RBFOX1: variants seen among roughly 807,000 people sequenced by gnomAD.
The protein encoded by RBFOX1 is RNA binding fox-1 homolog 1.
In RBFOX1, 8 loss-of-function variants were observed where a neutral mutation model predicts 57.7. The observed-to-expected ratio is 0.14, with a 90% CI of 0.08 to 0.25. The LOEUF (loss-of-function observed/expected upper bound fraction) is 0.25, where lower values mean the gene tolerates loss of function less well. RBFOX1 is among the 10% of genes least tolerant of loss of function. The pLI is 1.00. For missense variants in RBFOX1, 611 were observed against 548.5 expected (o/e 1.11, Z -1.14); for synonymous variants, 326 against 222.4 (o/e 1.47, Z -4.15).
Position 7,065,147 on chromosome 16 carries a change from C to T in RBFOX1, c.27+13049C>T, listed in dbSNP as rs148451897. Among the ~76,000 whole-genome samples the T allele has an allele frequency of 1.9e-3, 296 of 152,314 alleles. 5 individuals carry two copies. The highest frequency in any genetic ancestry group is 0.017 in the Middle Eastern group (5 of 294). ...TTCTGTATGGAGACGCATTTGTAAC[C>T]TTACCTAAATGAGCAAGCAACTGGT... On this transcript the variant is annotated intron_variant, in intron 4 of 15. Coordinates refer to ENST00000550418, the MANE Select transcript of RBFOX1 (RefSeq NM_018723.4).
chr16:5,881,182 C>T (rs576311448), intron 4 of RBFOX1, among the ~76,000 whole-genome samples: 54 of 152,170 alleles, frequency 3.5e-4, no homozygotes, highest in Non-Finnish European at 6.0e-4. Context: ...AGTGAAGAAT[C>T]CTCTCCATCT....
In RBFOX1 at chr16:6,019,112, C is replaced by T; in HGVS notation, c.-1007C>T. 1.0e-6 allele frequency: 1 copy of T among 985,034 alleles called. No individual in the cohort carries two copies. The highest frequency in any genetic ancestry group is 1.2e-6 in the Non-Finnish European group (1 of 829,914). The allele number at this position is 985,034 out of a possible 1,614,324, so 61.0% of individuals were successfully genotyped here. The stretch of plus-strand genomic sequence containing the variant: ...ACACACACGCACACACACACATGCA[C>T]ACATTTTCTCGCGCTCTCTCCGGCT... On this transcript the variant is annotated 5_prime_UTR_variant, in exon 1 of 16. Transcript: ENST00000550418. The surrounding 1 kb of genome is among the most constrained non-coding windows in gnomAD (Gnocchi z 4.2).
At chr16:5,937,542 T>C (rs2059192154) in intron 4 of RBFOX1, among the ~76,000 whole-genome samples, 1 of 151,666 alleles carries the variant, frequency 6.6e-6, no homozygotes, top group African/African-American at 2.4e-5. Flanking sequence ...AGTTACATAT[T>C]TATATATAAC....
intron 4 of RBFOX1, among the ~76,000 whole-genome samples, chr16:7,139,601 C>A (rs1347729154): frequency 6.6e-6 from 1 of 152,024 alleles, no homozygotes; most frequent in Non-Finnish European, 1.5e-5. Context: ...CTTTTATCAG[C>A]AATGGTGAGG....
Position 5,306,845 on chromosome 16 carries a change from C to T in RBFOX1, c.219+66740C>T, listed in dbSNP as rs559881466. Reference sequence around the variant, plus strand: ...ATCACAGCTGGATCAGAACAAGTTTCAGCCTCCTCCATGTTCTCTGCTATC... The same window carrying T: ...ATCACAGCTGGATCAGAACAAGTTTTAGCCTCCTCCATGTTCTCTGCTATC... On this transcript the variant is annotated intron_variant, in intron 1 of 2. Coordinates refer to the RBFOX1 transcript ENST00000585867. Among the ~76,000 whole-genome samples, 3 of 152,304 alleles carry T rather than the reference C, an allele frequency of 2.0e-5. No homozygotes were observed. In the South Asian group the frequency reaches 6.2e-4, roughly 32 times the overall value.
At chr16:6,590,089 GAGA>G (rs1415653632) in intron 2 of RBFOX1, among the ~76,000 whole-genome samples, 4 of 152,236 alleles carry the variant, frequency 2.6e-5, no homozygotes, top group Non-Finnish European at 4.4e-5. Flanking sequence ...TGACAACTGA[GAGA>G]AGAATGATAG....
intron 4 of RBFOX1, among the ~76,000 whole-genome samples, chr16:7,286,621 T>A (rs2095656764): frequency 7.3e-6 from 1 of 137,756 alleles, no homozygotes; most frequent in Non-Finnish European, 1.6e-5. Context: ...GGCTAATTTT[T>A]TTTTTTTTTT....
intron 1 of RBFOX1, among the ~76,000 whole-genome samples, chr16:5,366,866 A>G (rs1015643544): frequency 4.6e-5 from 7 of 152,206 alleles, no homozygotes; most frequent in African/African-American, 1.7e-4. Context: ...TTTAGTTTTT[A>G]AAGATGGAGC....
intron 2 of RBFOX1, among the ~76,000 whole-genome samples, chr16:6,504,989 C>G (rs113028088): frequency 6.6e-6 from 1 of 152,162 alleles, no homozygotes; most frequent in South Asian, 2.1e-4. Flanking sequence ...AAGAGAATCG[C>G]TTGAACCCAG....
chr16:6,804,869 A>C (rs2086356119), intron 3 of RBFOX1, among the ~76,000 whole-genome samples: 1 of 152,176 alleles, frequency 6.6e-6, no homozygotes, highest in African/African-American at 2.4e-5. Context: ...TTTCATTCTT[A>C]AAAAGGCCAT....
chr16:6,393,388 T>C (rs554918309), intron 2 of RBFOX1, among the ~76,000 whole-genome samples: 1 of 152,310 alleles, frequency 6.6e-6, no homozygotes, highest in African/African-American at 2.4e-5. Context: ...GAAGGACAGC[T>C]GGTCTTTGAG....
chr16:7,562,741 G>A (rs1165142332), intron 5 of RBFOX1, among the ~76,000 whole-genome samples: 2 of 152,218 alleles, frequency 1.3e-5, no homozygotes, highest in Non-Finnish European at 2.9e-5. Flanking sequence ...GTGGGGGAAG[G>A]AGGAGGAAGG....
At chr16:6,303,942 G>C (rs961790528) in intron 1 of RBFOX1, among the ~76,000 whole-genome samples, 1 of 150,808 alleles carries the variant, frequency 6.6e-6, no homozygotes, top group African/African-American at 2.4e-5. Flanking sequence ...CTCCTGAGTG[G>C]CTGGGATTAC....
rs59540999 is a variant in RBFOX1 at position 7,028,584 on chromosome 16, TCACACACACA to T, written c.-15-23456_-15-23447del. Among the ~76,000 whole-genome samples, 178 of 55,068 alleles carry T rather than the reference TCACACACACA, an allele frequency of 3.2e-3. 2 individuals are homozygous for T. The highest frequency in any genetic ancestry group is 0.016 in the African/African-American group (166 of 10,684). 36.1% of individuals were successfully genotyped at this position (55,068 alleles called of 152,430 possible). ...CCTGGGCAATAAGAGTGAAACTCCC[TCACACACACA>T]CACACACACACACACAAAAAAAAAA... On this transcript the variant is annotated intron_variant, in intron 3 of 15. Coordinates refer to ENST00000550418, the MANE Select transcript of RBFOX1 (RefSeq NM_018723.4).
intron 1 of RBFOX1, among the ~76,000 whole-genome samples, chr16:6,088,055 A>C (rs1234795572): frequency 1.3e-5 from 2 of 152,200 alleles, no homozygotes; most frequent in East Asian, 3.9e-4. Flanking sequence ...CAGCAGCCAC[A>C]ACAAACTTTC....
At chr16:7,175,247 T>C (rs1056852681) in intron 4 of RBFOX1, among the ~76,000 whole-genome samples, 2 of 152,114 alleles carry the variant, frequency 1.3e-5, no homozygotes, top group African/African-American at 4.8e-5. Flanking sequence ...CCTCTCCCTG[T>C]GCCCATGTAT....
chr16:6,972,284 T>G (rs951471603), intron 3 of RBFOX1, among the ~76,000 whole-genome samples: 2 of 152,072 alleles, frequency 1.3e-5, no homozygotes, highest in Non-Finnish European at 2.9e-5. Flanking sequence ...TAACTGTCAT[T>G]CTACTTTTTG....
intron 3 of RBFOX1, among the ~76,000 whole-genome samples, chr16:5,648,692 G>A (rs139835291): frequency 6.6e-6 from 1 of 152,214 alleles, no homozygotes; most frequent in East Asian, 1.9e-4. Context: ...TTTAGACGTG[G>A]GCAGGACTGG....
intron 1 of RBFOX1, among the ~76,000 whole-genome samples, chr16:5,317,195 T>TTCTC (rs369981628): frequency 6.6e-5 from 10 of 150,628 alleles, no homozygotes; most frequent in Admixed American, 2.6e-4. Context: ...AAATCCTTTC[T>TTCTC]TCTCTCTCTC....
Sources: gnomAD v4.1 joint callset for allele counts (sites outside exome capture counted in the v4.1 genomes callset) on GRCh38, gnomAD v4.1.1 for gene constraint, Gnocchi (gnomAD v3.1) non-coding constraint, MANE v1.5 for transcripts, NCBI Gene and HGNC (gene_info 2026-07-23, HGNC 2026-07-21) for gene names.